The following CLPB variants were observed in gnomAD, a reference collection of about 807,000 sequenced individuals.
CLPB encodes ClpB family mitochondrial disaggregase.
In CLPB, 40 loss-of-function variants were observed where a neutral mutation model predicts 78.4. The ratio of observed to expected loss-of-function variants is 0.51; its 90% CI spans 0.40 to 0.66. The LOEUF is 0.66. CLPB is among the 30% of genes least tolerant of loss of function. CLPB has a pLI of 0.00. For missense variants in CLPB, 780 were observed against 886.9 expected (o/e 0.88, Z 1.53); for synonymous variants, 333 against 348.0 (o/e 0.96, Z 0.48).
At position 72,286,975 on chromosome 11, in the gene CLPB, T is replaced by C. The variant is rs1949398853; in HGVS notation, c.*6392A>G. ...AAAATTTAACAACACTAGCACTCTCTAGACATTTAAATAACATTTAAGTTC... is the reference window on the plus strand; with the variant it reads ...AAAATTTAACAACACTAGCACTCTCCAGACATTTAAATAACATTTAAGTTC... On this transcript the variant is annotated 3_prime_UTR_variant, in exon 16 of 16. Transcript: ENST00000538039. The C allele has an allele frequency of 6.6e-6, 1 of 152,228 alleles. No homozygotes were observed. The highest frequency in any genetic ancestry group is 6.5e-5 in the Admixed American group (1 of 15,280). 9.4% of individuals were successfully genotyped at this position (152,228 alleles called of 1,614,324 possible). A position where few individuals can be genotyped will look rare whatever the true frequency, so the allele number is the denominator to read the frequency against.
chr11:72,389,785 G>C (rs938416679), intron 3 of CLPB, among the ~76,000 whole-genome samples: 1 of 152,112 alleles, frequency 6.6e-6, no homozygotes, highest in Non-Finnish European at 1.5e-5. Flanking sequence ...AATTAGCCAG[G>C]TGTGGTGGCA....
chr11:72,382,481 T>C (rs1854946638), intron 3 of CLPB, among the ~76,000 whole-genome samples: 1 of 152,080 alleles, frequency 6.6e-6, no homozygotes, highest in Admixed American at 6.5e-5. Context: ...GCACTTAGGC[T>C]TCAGGCTGGC....
intron 4 of CLPB, among the ~76,000 whole-genome samples, chr11:72,372,610 G>A (rs1951064349): frequency 6.6e-6 from 1 of 152,170 alleles, no homozygotes; most frequent in Non-Finnish European, 1.5e-5. Context: ...CAAAGGGTAG[G>A]AGCCTATTAT....
chr11:72,370,547 T>TA (rs1951023218), intron 4 of CLPB, among the ~76,000 whole-genome samples: 1 of 152,146 alleles, frequency 6.6e-6, no homozygotes, highest in South Asian at 2.1e-4. Context: ...TTAAAAATAA[T>TA]AAATTGCCCA....
At chr11:72,391,786 C>G (rs1016590840) in intron 3 of CLPB, among the ~76,000 whole-genome samples, 3 of 152,188 alleles carry the variant, frequency 2.0e-5, no homozygotes, top group African/African-American at 7.2e-5. Flanking sequence ...TAAGTGGCAG[C>G]TCCTGAGATT....
intron 7 of CLPB, chr11:72,311,046 G>C (rs1949836841): frequency 6.6e-6 from 1 of 152,148 alleles, no homozygotes; most frequent in South Asian, 2.1e-4. Context: ...GCTTGATGTG[G>C]GTCCCCTGTG....
chr11:72,346,988 TAAAAAA>T (rs60688188), intron 5 of CLPB, among the ~76,000 whole-genome samples: 16 of 60,186 alleles, frequency 2.7e-4, no homozygotes, highest in African/African-American at 8.3e-4. Context: ...TCTCAAAAAT[TAAAAAA>T]AAAAAAAAAA....
Position 72,434,418 on chromosome 11 carries a change from C to A in CLPB, c.57G>T (p.Arg19=). The change falls in exon 1 of 16, where the codon CGG becomes CGT. Residue 19 remains arginine, a synonymous_variant. Coordinates refer to ENST00000538039, the MANE Select transcript of CLPB (RefSeq NM_001258392.3). ...RKALAPRLLL[R]LLRSPTLRGH... Reference sequence around the variant, plus strand: ...CCCGGAGCGTTGGGGACCTGAGCAGCCGGAGGAGTAGCCGTGGCGCCAGTG... The same window carrying A: ...CCCGGAGCGTTGGGGACCTGAGCAGACGGAGGAGTAGCCGTGGCGCCAGTG... 6.3e-7 allele frequency: 1 copy of A among 1,594,280 alleles called. No individual in the cohort carries two copies. The highest frequency in any genetic ancestry group is 8.6e-7 in the Non-Finnish European group (1 of 1,167,878).
intron 6 of CLPB, among the ~76,000 whole-genome samples, chr11:72,322,985 C>G (rs1047799124): frequency 6.6e-6 from 1 of 152,188 alleles, no homozygotes; most frequent in Non-Finnish European, 1.5e-5. Context: ...AGAGACAGAA[C>G]AGTAACCCTT....
At chr11:72,356,434 G>A (rs1432372585) in intron 5 of CLPB, among the ~76,000 whole-genome samples, 4 of 152,234 alleles carry the variant, frequency 2.6e-5, no homozygotes, top group African/African-American at 7.2e-5. Flanking sequence ...CCTGCCTCTC[G>A]GTTGGCTGGT....
At chr11:72,367,697 C>T (rs930548575) in intron 4 of CLPB, among the ~76,000 whole-genome samples, 4 of 151,962 alleles carry the variant, frequency 2.6e-5, no homozygotes, top group Non-Finnish European at 4.4e-5. Context: ...ATACACCACA[C>T]CCCAGCATCA....
intron 2 of CLPB, among the ~76,000 whole-genome samples, chr11:72,417,945 A>G (rs904412645): frequency 2.3e-4 from 35 of 152,262 alleles, no homozygotes; most frequent in Admixed American, 2.2e-3. Flanking sequence ...TACACTGTCC[A>G]TCTGCAAAGG....
chr11:72,372,620 T>G (rs565771306), intron 4 of CLPB, among the ~76,000 whole-genome samples: 34 of 152,286 alleles, frequency 2.2e-4, no homozygotes, highest in Admixed American at 2.1e-3. Context: ...GAGCCTATTA[T>G]TAGAAACGCA....
intron 5 of CLPB, among the ~76,000 whole-genome samples, chr11:72,331,119 T>C (rs1055872714): frequency 2.0e-5 from 3 of 152,008 alleles, no homozygotes; most frequent in Admixed American, 1.3e-4. Context: ...AAAAAATTTT[T>C]TTTGGCCAGG....
chr11:72,318,662 T>C (rs1300382465), intron 6 of CLPB, among the ~76,000 whole-genome samples: 1 of 152,218 alleles, frequency 6.6e-6, no homozygotes, highest in Admixed American at 6.5e-5. Flanking sequence ...AGTAGTGACC[T>C]TGACAGAAGT....
chr11:72,407,206 G>C (rs1855735672), intron 2 of CLPB, among the ~76,000 whole-genome samples: 1 of 152,144 alleles, frequency 6.6e-6, no homozygotes, highest in Non-Finnish European at 1.5e-5. Flanking sequence ...GGGTCCTACA[G>C]TATGTGCATA....
chr11:72,371,491 T>C (rs938850482), intron 4 of CLPB, among the ~76,000 whole-genome samples: 7 of 150,690 alleles, frequency 4.6e-5, no homozygotes, highest in Non-Finnish European at 1.0e-4. Context: ...ATCATGCCAC[T>C]CACTGGACTC....
chr11:72,311,927 C>T (rs146246592), intron 7 of CLPB, among the ~76,000 whole-genome samples: 276 of 152,352 alleles, frequency 1.8e-3, no homozygotes, highest in African/African-American at 6.2e-3. Flanking sequence ...ACTGGACCAT[C>T]TGAAAACTCA....
At position 72,290,171 on chromosome 11, in the gene CLPB, C is replaced by G. The variant is rs568850162; in HGVS notation, c.*3196G>C. On this transcript the variant is annotated 3_prime_UTR_variant, in exon 16 of 16. Transcript: ENST00000538039. ...CTGAGATAGGGAAAATGTGAGGAAG[C>G]CTGAAACATCTTGTGGTGCCAGAAA... 1 of 152,168 alleles carries G rather than the reference C, an allele frequency of 6.6e-6. No homozygotes were observed. The highest frequency in any genetic ancestry group is 1.5e-5 in the Non-Finnish European group (1 of 68,030). 9.4% of individuals were successfully genotyped at this position (152,168 alleles called of 1,614,324 possible).
Sources: gnomAD v4.1 joint callset for allele counts (sites outside exome capture counted in the v4.1 genomes callset) on GRCh38, gnomAD v4.1.1 for gene constraint, MANE v1.5 for transcripts, NCBI Gene and HGNC (gene_info 2026-07-23, HGNC 2026-07-21) for gene names.